The following TFEC variants were observed in gnomAD, a reference collection of about 807,000 sequenced individuals.
TFEC encodes the protein transcription factor EC, also known as class E basic helix-loop-helix protein 34.
Under a neutral mutation model 41.6 loss-of-function variants are expected in TFEC, and 31 were observed. The ratio of observed to expected loss-of-function variants is 0.74; its 90% CI spans 0.56 to 1.01. The LOEUF (loss-of-function observed/expected upper bound fraction) is 1.01. TFEC is among the 50% of genes least tolerant of loss of function. The pLI is 0.00. For missense variants in TFEC, 402 were observed against 404.1 expected (o/e 0.99, Z 0.04); for synonymous variants, 143 against 140.6 (o/e 1.02, Z -0.12).
chr7:116,003,979 G>A (rs550938082), intron 1 of TFEC, among the ~76,000 whole-genome samples: 1 of 152,182 alleles, frequency 6.6e-6, no homozygotes, highest in Admixed American at 6.5e-5. Flanking sequence ...GAGCTGCAAT[G>A]AAAACAGTGC....
chr7:116,143,568 T>A (rs1465540021), intron 1 of TFEC, among the ~76,000 whole-genome samples: 1 of 152,222 alleles, frequency 6.6e-6, no homozygotes, highest in Non-Finnish European at 1.5e-5. Context: ...CTGAAATTGC[T>A]GAAGTCTAAA....
intron 2 of TFEC, among the ~76,000 whole-genome samples, chr7:115,980,550 G>C (rs990604522): frequency 1.3e-5 from 2 of 152,110 alleles, no homozygotes; most frequent in Non-Finnish European, 2.9e-5. Context: ...AGGAGTTCAA[G>C]ACCACCCTGG....
At chr7:116,088,869 G>A (rs751623455) in intron 3 of TFEC, among the ~76,000 whole-genome samples, 21 of 152,050 alleles carry the variant, frequency 1.4e-4, no homozygotes, top group Admixed American at 7.9e-4. Flanking sequence ...TGTGGGCAGA[G>A]AGGGAAGGAA....
chr7:115,969,298 A>G (rs939378446), intron 3 of TFEC, among the ~76,000 whole-genome samples: 2 of 151,840 alleles, frequency 1.3e-5, no homozygotes, highest in African/African-American at 2.4e-5. Flanking sequence ...GCATAGAATA[A>G]ATAGGTAAAT....
chr7:116,021,193 C>A (rs1404248), intron 1 of TFEC, among the ~76,000 whole-genome samples: 55,398 of 152,030 alleles, frequency 0.36, 11,038 homozygotes, highest in Non-Finnish European at 0.45. Flanking sequence ...TCTTTCCTCT[C>A]ATAAAAGGTT....
intron 3 of TFEC, among the ~76,000 whole-genome samples, chr7:116,101,775 G>A (rs1043226789): frequency 9.9e-5 from 15 of 152,194 alleles, no homozygotes; most frequent in Non-Finnish European, 1.5e-4. Flanking sequence ...AATGCTTGAC[G>A]GCATTATTGA....
intron 3 of TFEC, among the ~76,000 whole-genome samples, chr7:115,961,909 A>G (rs977366833): frequency 6.6e-6 from 1 of 151,512 alleles, no homozygotes; most frequent in Non-Finnish European, 1.5e-5. Flanking sequence ...ATATTAAGAA[A>G]ACCCTCCCTA....
At chr7:116,061,441 T>C (rs1796554849) in intron 3 of TFEC, among the ~76,000 whole-genome samples, 1 of 152,120 alleles carries the variant, frequency 6.6e-6, no homozygotes, top group Non-Finnish European at 1.5e-5. Flanking sequence ...TTGCACTATA[T>C]ACAGAAATTA....
intron 6 of TFEC, among the ~76,000 whole-genome samples, chr7:115,944,624 C>G (rs1445720344): frequency 6.6e-6 from 1 of 151,596 alleles, no homozygotes; most frequent in African/African-American, 2.4e-5. Context: ...TAAGCCAACT[C>G]CAAAATATAT....
intron 3 of TFEC, among the ~76,000 whole-genome samples, chr7:116,039,447 GTGTC>G (rs1370438068): frequency 8.9e-5 from 9 of 100,770 alleles, no homozygotes; most frequent in African/African-American, 3.1e-4. Flanking sequence ...GTGTGTGTGT[GTGTC>G]TGTGTGTGTG....
chr7:116,140,735 T>C (rs1418215508), intron 1 of TFEC, among the ~76,000 whole-genome samples: 1 of 152,150 alleles, frequency 6.6e-6, no homozygotes, highest in Non-Finnish European at 1.5e-5. Context: ...TGCCTTCCCA[T>C]TTAGAACCCT....
chr7:116,017,253 G>C (rs139375946), intron 1 of TFEC, among the ~76,000 whole-genome samples: 3 of 151,940 alleles, frequency 2.0e-5, no homozygotes, highest in African/African-American at 7.3e-5. Context: ...ACAGAGTCTC[G>C]CTCTGTCACC....
At chr7:116,006,637 T>C (rs1014259862) in intron 1 of TFEC, among the ~76,000 whole-genome samples, 1 of 152,166 alleles carries the variant, frequency 6.6e-6, no homozygotes, top group Non-Finnish European at 1.5e-5. Context: ...CTTTGGACTG[T>C]GGACATTTGA....
chr7:116,094,952 A>G (rs979542002), intron 3 of TFEC, among the ~76,000 whole-genome samples: 4 of 152,228 alleles, frequency 2.6e-5, no homozygotes, highest in Non-Finnish European at 5.9e-5. Flanking sequence ...CTGATTTTAT[A>G]TAACACATTG....
chr7:115,946,683 T>G (rs759040415), intron 6 of TFEC, among the ~76,000 whole-genome samples: 1 of 150,726 alleles, frequency 6.6e-6, no homozygotes, highest in Non-Finnish European at 1.5e-5. Flanking sequence ...TTTCTTTTCT[T>G]TTTTCTTTTC....
At chr7:116,091,326 T>C (rs984728489) in intron 3 of TFEC, among the ~76,000 whole-genome samples, 1 of 152,166 alleles carries the variant, frequency 6.6e-6, no homozygotes, top group Admixed American at 6.6e-5. Flanking sequence ...GTCATTTAGC[T>C]TTCAATTGTT....
In TFEC at chr7:115,938,604, A is replaced by G. The variant is rs1198500060; in HGVS notation, c.*1947T>C. On this transcript the variant is annotated 3_prime_UTR_variant, in exon 8 of 8. Transcript: ENST00000265440. ...ACAAGCTAAGCCTGAGATAATTATT[A>G]TACCATAATGATTTACTATTTTTCT... is the stretch of plus-strand genomic sequence containing the variant. 6.6e-6 allele frequency: 1 copy of G among 151,908 alleles called. No individual in the cohort carries two copies. Among genetic ancestry groups the G allele is most frequent in the Non-Finnish European group, 1.5e-5 (1 of 67,892 alleles). 9.4% of individuals were successfully genotyped at this position (151,908 alleles called of 1,614,324 possible).
At chr7:115,955,968 AATTT>A (rs966809738) in intron 4 of TFEC, among the ~76,000 whole-genome samples, 1 of 151,926 alleles carries the variant, frequency 6.6e-6, no homozygotes, top group Non-Finnish European at 1.5e-5. Context: ...ATCTCAAGTG[AATTT>A]ATTTACTTTA....
intron 2 of TFEC, among the ~76,000 whole-genome samples, chr7:115,980,609 G>A (rs753685541): frequency 6.6e-6 from 1 of 152,030 alleles, no homozygotes; most frequent in Non-Finnish European, 1.5e-5. Context: ...AATTAGCTGG[G>A]CGTGGTGGCT....
Sources: allele counts gnomAD v4.1 joint callset (sites outside exome capture counted in the v4.1 genomes callset), GRCh38; gene constraint gnomAD v4.1.1; transcripts MANE v1.5; gene names NCBI Gene and HGNC (gene_info 2026-07-23, HGNC 2026-07-21).